CD44: variants seen among roughly 807,000 people sequenced by gnomAD.
CD44 encodes CD44 antigen.
Under a neutral mutation model 88.8 loss-of-function variants are expected in CD44, and 49 were observed. The observed-to-expected ratio is 0.55, with a 90% confidence interval of 0.44 to 0.70. The LOEUF is 0.70. Among genes scored for constraint, CD44 ranks in the 30% least tolerant of loss-of-function variants. The pLI, the probability that CD44 is intolerant of heterozygous loss-of-function variation, is 0.00. For missense variants in CD44, 883 were observed against 913.8 expected, an observed-to-expected ratio of 0.97 and a Z score of 0.43; for synonymous variants, 325 against 312.3, an observed-to-expected ratio of 1.04 and a Z score of -0.43.
intron 9 of CD44, among the ~76,000 whole-genome samples, chr11:35,202,525 A>G (rs760513107): frequency 1.6e-4 from 25 of 152,160 alleles, no homozygotes; most frequent in Non-Finnish European, 3.5e-4. Context: ...ATTTGGAATA[A>G]AAGTATTTAT....
At chr11:35,164,772 G>A (rs529965513) in intron 1 of CD44, among the ~76,000 whole-genome samples, 3 of 152,204 alleles carry the variant, frequency 2.0e-5, no homozygotes, top group South Asian at 2.1e-4. Context: ...AATAATGAAG[G>A]GAAGAATACA....
At chr11:35,165,793 G>C (rs1006554415) in intron 1 of CD44, among the ~76,000 whole-genome samples, 1 of 152,076 alleles carries the variant, frequency 6.6e-6, no homozygotes, top group African/African-American at 2.4e-5. Flanking sequence ...CAGAGTTTAG[G>C]CTAGAACCAG....
At chr11:35,210,821 A>G (rs1948323517) in intron 13 of CD44, 1 of 175,898 alleles carries the variant, frequency 5.7e-6, no homozygotes, top group Non-Finnish European at 1.2e-5. Flanking sequence ...GGCCTTTGAA[A>G]CCATGCATTT....
chr11:35,173,266 G>T (rs1348631241), intron 1 of CD44, among the ~76,000 whole-genome samples: 2 of 152,226 alleles, frequency 1.3e-5, no homozygotes, highest in African/African-American at 4.8e-5. Context: ...TCAAGAAGCT[G>T]ATAGGAATGC....
chr11:35,160,319 G>A (rs552204027), intron 1 of CD44, among the ~76,000 whole-genome samples: 9 of 152,292 alleles, frequency 5.9e-5, no homozygotes, highest in African/African-American at 2.2e-4. Context: ...GCTTCGATGG[G>A]GCAGGTTCTC....
intron 2 of CD44, 119 bp downstream of exon 2, chr11:35,176,859 C>T: frequency 1.0e-6 from 1 of 957,004 alleles, no homozygotes; most frequent in South Asian, 1.7e-5. Flanking sequence ...GGAGTCAACC[C>T]CACGTATTAA....
intron 1 of CD44, among the ~76,000 whole-genome samples, chr11:35,141,925 AC>A (rs1241897713): frequency 6.6e-6 from 1 of 152,094 alleles, no homozygotes; most frequent in Non-Finnish European, 1.5e-5. Flanking sequence ...GGAGTGGTGG[AC>A]TCTGGACAAC....
At chr11:35,204,748 G>T in intron 10 of CD44, 108 bp downstream of exon 10, 1 of 997,516 alleles carries the variant, frequency 1.0e-6, no homozygotes, top group South Asian at 1.6e-5. Context: ...GTCACGAGAT[G>T]TTAGGTTACT....
chr11:35,183,484 G>T (rs1945354901), intron 3 of CD44, among the ~76,000 whole-genome samples: 1 of 152,158 alleles, frequency 6.6e-6, no homozygotes, highest in Admixed American at 6.5e-5. Flanking sequence ...AGATTTCATT[G>T]CAAGGATCCC....
intron 1 of CD44, among the ~76,000 whole-genome samples, chr11:35,167,944 G>A (rs569093017): frequency 8.2e-4 from 125 of 152,348 alleles, no homozygotes; most frequent in Admixed American, 1.6e-3. Context: ...CCAAGAGTAT[G>A]ATGGGAAGAC....
intron 1 of CD44, among the ~76,000 whole-genome samples, chr11:35,140,784 G>C (rs1012125422): frequency 6.6e-6 from 1 of 152,120 alleles, no homozygotes; most frequent in African/African-American, 2.4e-5. Context: ...ACTTTGGGAG[G>C]CTGAGGCAGC....
chr11:35,211,431 G>A lies in CD44; in HGVS notation c.1792G>A (p.Val598Ile). 3.7e-6 allele frequency: 6 copies of A among 1,613,520 alleles called. No homozygotes were observed. Among genetic ancestry groups the A allele is most frequent in the Non-Finnish European group, 5.1e-6 (6 of 1,179,636 alleles). ...TACTGTTGGAGATTCCAACTCTAAT[G>A]TCAATCGTTCCTTATCAGGTAATTT... ...AVTVGDSNSNVNRSLSGDQDT... is the reference protein window; with the variant it reads ...AVTVGDSNSNINRSLSGDQDT... Residue 598 changes from valine (V) to isoleucine (I), a missense_variant, in exon 14 of 18, where the codon GTC becomes ATC. This residue lies in a region of CD44 where 631 missense variants were observed against 590.9 expected (regional missense o/e 1.07). Coordinates refer to ENST00000428726, the MANE Select transcript of CD44 (RefSeq NM_000610.4).
At chr11:35,139,741 G>C (rs12365962) in intron 1 of CD44, 1 of 507,466 alleles carries the variant, frequency 2.0e-6, no homozygotes, top group Non-Finnish European at 3.8e-6. Flanking sequence ...AAGCCCCACC[G>C]GGCTGTGTCT....
chr11:35,228,104 G>A (rs542536823), intron 17 of CD44, among the ~76,000 whole-genome samples: 35 of 152,248 alleles, frequency 2.3e-4, no homozygotes, highest in East Asian at 7.7e-4. Context: ...AGTCTGACTC[G>A]TATATGTGTA....
Position 35,171,162 on chromosome 11 carries a change from C to T in CD44, c.68-5413C>T, listed in dbSNP as rs77635485. Among the ~76,000 whole-genome samples the T allele has an allele frequency of 8.9e-3, 1,355 of 152,228 alleles. 7 individuals carry two copies. Among genetic ancestry groups the T allele is most frequent in the African/African-American group, 0.014 (585 of 41,550 alleles). On this transcript the variant is annotated intron_variant, in intron 1 of 17. Transcript: ENST00000428726. The stretch of plus-strand genomic sequence containing the variant: ...CCTCCCGGGTAATAATTTGGGTTTG[C>T]GTTAGTATCAAGGAAACCTGATGAA...
At position 35,223,238 on chromosome 11, in the gene CD44, C is replaced by T. The variant is rs1033965778; in HGVS notation, c.2024+1506C>T. On this transcript the variant is annotated intron_variant, in intron 17 of 17. Coordinates refer to ENST00000428726, the MANE Select transcript of CD44 (RefSeq NM_000610.4). ...ATTTAAATAATGTGACTTGGGGGAG[C>T]CTTTACAAAGAGTCTTTATACCTCC... The T allele has an allele frequency of 7.1e-6, 7 of 984,998 alleles. No individual in the cohort carries two copies. The African/African-American group carries it at 1.2e-4, about 17-fold the overall frequency. 61.0% of individuals were successfully genotyped at this position (984,998 alleles called of 1,614,324 possible). A position where few individuals can be genotyped will look rare whatever the true frequency, so the allele number is the denominator to read the frequency against.
At chr11:35,185,736 G>A (rs896080743) in intron 3 of CD44, among the ~76,000 whole-genome samples, 5 of 152,168 alleles carry the variant, frequency 3.3e-5, no homozygotes, top group African/African-American at 1.2e-4. Context: ...ATGCACAAAT[G>A]GACTTAACCT....
intron 5 of CD44, among the ~76,000 whole-genome samples, chr11:35,195,959 C>T (rs1946698327): frequency 6.6e-6 from 1 of 152,114 alleles, no homozygotes; most frequent in African/African-American, 2.4e-5. Context: ...CAATCTTCTA[C>T]TTCTATGTCA....
chr11:35,220,288 C>CA (rs1949187000), intron 16 of CD44, among the ~76,000 whole-genome samples: 2 of 152,236 alleles, frequency 1.3e-5, no homozygotes, highest in African/African-American at 4.8e-5. Context: ...AGTGACAGTG[C>CA]AGGTGGGATA....
Sources: gnomAD v4.1 joint callset for allele counts (sites outside exome capture counted in the v4.1 genomes callset) on GRCh38, gnomAD v4.1.1 for gene constraint, gnomAD v4.1.1 regional missense constraint, MANE v1.5 for transcripts, NCBI Gene and HGNC (gene_info 2026-07-23, HGNC 2026-07-21) for gene names.